The following OR2T6 variants were observed in gnomAD, a reference collection of about 807,000 sequenced individuals.
OR2T6 encodes olfactory receptor 2T6.
For synonymous variants in OR2T6, 174 were observed against 148.0 expected, an observed-to-expected ratio of 1.18 and a Z score of -1.27; for missense variants, 424 against 391.6, an observed-to-expected ratio of 1.08 and a Z score of -0.70.
rs1661199601 is a variant in OR2T6, at chr1:248,388,898, T to C, written c.*363T>C. The C allele has an allele frequency of 4.4e-6, 1 of 229,444 alleles. No individual in the cohort carries two copies. The highest frequency in any genetic ancestry group is 1.7e-4 in the South Asian group (1 of 5,932). 14.2% of individuals were successfully genotyped at this position (229,444 alleles called of 1,614,324 possible). ...TTTTCAATGGCTCCATAAGAACTGGTGATTTTGACTATATTGTTTAAACAA... is the reference window on the plus strand; with the variant it reads ...TTTTCAATGGCTCCATAAGAACTGGCGATTTTGACTATATTGTTTAAACAA... On this transcript the variant is annotated 3_prime_UTR_variant, in exon 3 of 3. Transcript: ENST00000641644.
chr1:248,385,131 T>A (rs1661116386), intron 2 of OR2T6, among the ~76,000 whole-genome samples: 2 of 152,168 alleles, frequency 1.3e-5, no homozygotes, highest in South Asian at 4.1e-4. Context: ...AAGCAGACCC[T>A]GCTGCAGAGA....
Position 248,391,770 on chromosome 1 carries a change from G to T in OR2T6, c.*3235G>T, listed in dbSNP as rs1409710768. ...ATTCAATTTTTTGGTAAACCTCATTGTTCTAAAATATAAAATTTCATTTTA... is the reference window on the plus strand; with the variant it reads ...ATTCAATTTTTTGGTAAACCTCATTTTTCTAAAATATAAAATTTCATTTTA... On this transcript the variant is annotated 3_prime_UTR_variant, in exon 3 of 3. Transcript: ENST00000641644. 6.6e-6 allele frequency: 1 copy of T among 152,078 alleles called. No individual in the cohort carries two copies. Among genetic ancestry groups the T allele is most frequent in the Non-Finnish European group, 1.5e-5 (1 of 68,008 alleles). 9.4% of individuals were successfully genotyped at this position (152,078 alleles called of 1,614,324 possible).
At chr1:248,377,695 G>C (rs942839337) in intron 1 of OR2T6, among the ~76,000 whole-genome samples, 1 of 152,198 alleles carries the variant, frequency 6.6e-6, no homozygotes, top group Non-Finnish European at 1.5e-5. Context: ...TTCATAGTAT[G>C]TGATGAGTAA....
At position 248,379,359 on chromosome 1, in the gene OR2T6, C is replaced by T. The variant is rs966116142; in HGVS notation, c.-159+3305C>T. Among the ~76,000 whole-genome samples the T allele has an allele frequency of 1.3e-3, 193 of 152,040 alleles. 1 individual carries two copies. The highest frequency in any genetic ancestry group is 4.5e-3 in the African/African-American group (188 of 41,396). On this transcript the variant is annotated intron_variant, in intron 1 of 2. Transcript: ENST00000641644. ...AACCAGATGAAGAGAGAATTGTGCT[C>T]CAGGCAGAGAGAGCTCCTGAGTCAG...
intron 1 of OR2T6, among the ~76,000 whole-genome samples, chr1:248,378,051 T>C (rs1453961903): frequency 5.9e-5 from 9 of 152,220 alleles, no homozygotes; most frequent in Non-Finnish European, 1.2e-4. Flanking sequence ...ATCATTAAGA[T>C]TGTTTCTAGT....
At position 248,389,060 on chromosome 1, in the gene OR2T6, C is replaced by A. The variant is rs1661203033; in HGVS notation, c.*525C>A. 1.3e-5 allele frequency: 2 copies of A among 152,970 alleles called. No individual in the cohort carries two copies. Among genetic ancestry groups the A allele is most frequent in the African/African-American group, 2.4e-5 (1 of 41,446 alleles). 9.5% of individuals were successfully genotyped at this position (152,970 alleles called of 1,614,324 possible). A position where few individuals can be genotyped will look rare whatever the true frequency, so the allele number is the denominator to read the frequency against. Reference sequence around the variant, plus strand: ...GATTTAGAAAATCCAAATATCTCTTCTTTGAGTAACCACTGAAAACACTCC... The same window carrying A: ...GATTTAGAAAATCCAAATATCTCTTATTTGAGTAACCACTGAAAACACTCC... On this transcript the variant is annotated 3_prime_UTR_variant, in exon 3 of 3. Coordinates refer to ENST00000641644, the MANE Select transcript of OR2T6 (RefSeq NM_001005471.2).
Position 248,390,366 on chromosome 1 carries a change from C to G in OR2T6, c.*1831C>G, listed in dbSNP as rs1661228027. On this transcript the variant is annotated 3_prime_UTR_variant, in exon 3 of 3. Transcript: ENST00000641644. ...CACCTCTACAAGCTGCTGTGCCAGG[C>G]TTTGTACTGTCATTGGTTTAACAAA... The G allele has an allele frequency of 6.6e-6, 1 of 152,140 alleles. No individual in the cohort carries two copies. The highest frequency in any genetic ancestry group is 6.5e-5 in the Admixed American group (1 of 15,274). 9.4% of individuals were successfully genotyped at this position (152,140 alleles called of 1,614,324 possible). A position where few individuals can be genotyped will look rare whatever the true frequency, so the allele number is the denominator to read the frequency against.
At chr1:248,376,767 C>A (rs1317912288) in intron 1 of OR2T6, among the ~76,000 whole-genome samples, 1 of 152,006 alleles carries the variant, frequency 6.6e-6, no homozygotes, top group Non-Finnish European at 1.5e-5. Context: ...CATACAGGCA[C>A]CTAGCATATA....
At chr1:248,381,604 C>A (rs904279496) in intron 1 of OR2T6, among the ~76,000 whole-genome samples, 1 of 148,208 alleles carries the variant, frequency 6.7e-6, no homozygotes, top group Non-Finnish European at 1.5e-5. Flanking sequence ...TCTGTATAGA[C>A]AGAGATAGGT....
Position 248,387,680 on chromosome 1 carries a change from A to T in OR2T6, c.72A>T (p.Ser24=). The change falls in exon 3 of 3, where the codon TCA becomes TCT. Residue 24 remains serine, a synonymous_variant. Transcript: ENST00000641644. Reference sequence around the variant, plus strand: ...GGCTCTTCACTCACAATAAATGCTCAGGATTCTTTTTCGGTGTCATTTGTG... The same window carrying T: ...GGCTCTTCACTCACAATAAATGCTCTGGATTCTTTTTCGGTGTCATTTGTG... ...LMGLFTHNKC[S]GFFFGVICAV... The T allele has an allele frequency of 6.2e-7, 1 of 1,613,710 alleles. No homozygotes were observed. Among genetic ancestry groups the T allele is most frequent in the Admixed American group, 1.7e-5 (1 of 60,020 alleles).
intron 1 of OR2T6, among the ~76,000 whole-genome samples, chr1:248,378,876 A>G (rs1660984474): frequency 6.6e-6 from 1 of 152,222 alleles, no homozygotes; most frequent in African/African-American, 2.4e-5. Flanking sequence ...GTTATTATAT[A>G]GAAATTTTTT....
intron 1 of OR2T6, among the ~76,000 whole-genome samples, chr1:248,380,608 G>T (rs1661013836): frequency 6.6e-6 from 1 of 151,568 alleles, no homozygotes; most frequent in Non-Finnish European, 1.5e-5. Flanking sequence ...ATAAAATTTT[G>T]TCTGGATACA....
In OR2T6 at chr1:248,375,936, G is replaced by A. The variant is rs1234802321; in HGVS notation, c.-277G>A. 6.6e-6 allele frequency: 1 copy of A among 151,756 alleles called. No individual in the cohort carries two copies. The highest frequency in any genetic ancestry group is 1.9e-4 in the East Asian group (1 of 5,184). The allele number at this position is 151,756 out of a possible 1,614,324, so 9.4% of individuals were successfully genotyped here. On this transcript the variant is annotated 5_prime_UTR_variant, in exon 1 of 3. Coordinates refer to ENST00000641644, the MANE Select transcript of OR2T6 (RefSeq NM_001005471.2). ...ATACTAATATGAAGACAGAAAAAAA[G>A]AAGATCAAGAAGGTTCCCTTTTATC...
Position 248,388,686 on chromosome 1 carries a change from C to G in OR2T6, c.*151C>G, listed in dbSNP as rs55824431. 1,206 of 527,142 alleles carry G rather than the reference C, an allele frequency of 2.3e-3. 12 individuals are homozygous for G. Among genetic ancestry groups the G allele is most frequent in the African/African-American group, 0.02 (1,084 of 53,206 alleles). The allele number at this position is 527,142 out of a possible 1,614,324, so 32.7% of individuals were successfully genotyped here. ...TGCTAAATGGTGTATCAACAGTACC[C>G]CCATCAAAAATGGGAAGTTGCTGTA... On this transcript the variant is annotated 3_prime_UTR_variant, in exon 3 of 3. Transcript: ENST00000641644.
At chr1:248,379,790 T>C (rs890565931) in intron 1 of OR2T6, among the ~76,000 whole-genome samples, 1 of 152,094 alleles carries the variant, frequency 6.6e-6, no homozygotes, top group African/African-American at 2.4e-5. Context: ...AACTAGGAAT[T>C]TTGGGAAAGC....
chr1:248,382,244 C>A (rs1202159064), intron 1 of OR2T6, among the ~76,000 whole-genome samples: 1 of 152,116 alleles, frequency 6.6e-6, no homozygotes, highest in Admixed American at 6.5e-5. Flanking sequence ...TGAATTTTAG[C>A]CTGTGTAGGT....
rs1661237186 is a variant in OR2T6, at chr1:248,390,766, C to G, written c.*2231C>G. 1 of 152,184 alleles carries G rather than the reference C, an allele frequency of 6.6e-6. No individual in the cohort carries two copies. The highest frequency in any genetic ancestry group is 2.4e-5 in the African/African-American group (1 of 41,450). The allele number at this position is 152,184 out of a possible 1,614,324, so 9.4% of individuals were successfully genotyped here. A position where few individuals can be genotyped will look rare whatever the true frequency, so the allele number is the denominator to read the frequency against. On this transcript the variant is annotated 3_prime_UTR_variant, in exon 3 of 3. Coordinates refer to ENST00000641644, the MANE Select transcript of OR2T6 (RefSeq NM_001005471.2). ...AACAAATCAGAAGAGAAGGAGAGGG[C>G]TGGCCCATAAGAACTGATCATCAGT...
intron 2 of OR2T6, among the ~76,000 whole-genome samples, 165 bp downstream of exon 2, chr1:248,385,029 C>G (rs75916495): frequency 0.2 from 30,898 of 152,138 alleles, 3,427 homozygotes; most frequent in East Asian, 0.41. Flanking sequence ...AACACTCCTT[C>G]AAGAACCTCC....
rs1661155909 is a variant in OR2T6 at position 248,387,600 on chromosome 1, C to T, written c.-4-5C>T. The T allele has an allele frequency of 6.5e-7, 1 of 1,546,820 alleles. No homozygotes were observed. Among genetic ancestry groups the T allele is most frequent in the Non-Finnish European group, 8.8e-7 (1 of 1,137,098 alleles). ...TCTCTTCTTATGCCTCCATTTCAAA[C>T]TCAGTACCATGAATGAAAACAATGA... On this transcript the variant is annotated splice_region_variant and splice_polypyrimidine_tract_variant and intron_variant, in intron 2 of 2. Transcript: ENST00000641644.
Sources: gnomAD v4.1 joint callset for allele counts (sites outside exome capture counted in the v4.1 genomes callset) on GRCh38, gnomAD v4.1.1 for gene constraint, MANE v1.5 for transcripts, NCBI Gene and HGNC (gene_info 2026-07-23, HGNC 2026-07-21) for gene names.